Variants in LCP1 observed in about 807,000 individuals in gnomAD.
LCP1 encodes lymphocyte cytosolic protein 1, also known as plastin-2.
A neutral mutation model predicts 72.0 loss-of-function variants in LCP1; 23 were observed. The ratio of observed to expected loss-of-function variants is 0.32; its 90% CI spans 0.23 to 0.45. The LOEUF (loss-of-function observed/expected upper bound fraction) is 0.45. LCP1 is among the 20% of genes least tolerant of loss of function. LCP1 has a pLI of 1.00. For synonymous variants in LCP1, 245 were observed against 275.4 expected, an observed-to-expected ratio of 0.89 and a Z score of 1.09; for missense variants, 571 against 748.3, an observed-to-expected ratio of 0.76 and a Z score of 2.76.
intron 15 of LCP1, 73 bp from the exon 16 acceptor site, chr13:46,127,796 A>T: frequency 6.4e-7 from 1 of 1,563,240 alleles, no homozygotes; most frequent in Non-Finnish European, 8.7e-7. Flanking sequence ...GGAGGGTCAC[A>T]GTCACAGTCG....
chr13:46,164,341 T>C (rs1388860280), intron 1 of LCP1, among the ~76,000 whole-genome samples: 3 of 151,980 alleles, frequency 2.0e-5, no homozygotes, highest in Non-Finnish European at 4.4e-5. Context: ...TAATGGGAAA[T>C]TTTTTTTACC....
At position 46,127,431 on chromosome 13, in the gene LCP1, T is replaced by C. The variant is rs2045605518; in HGVS notation, c.*160A>G. 2 of 778,772 alleles carry C rather than the reference T, an allele frequency of 2.6e-6. No homozygotes were observed. The highest frequency in any genetic ancestry group is 3.9e-6 in the Non-Finnish European group (2 of 509,794). The allele number at this position is 778,772 out of a possible 1,614,324, so 48.2% of individuals were successfully genotyped here. On this transcript the variant is annotated 3_prime_UTR_variant, in exon 16 of 16. Coordinates refer to ENST00000323076, the MANE Select transcript of LCP1 (RefSeq NM_002298.5). Reference sequence around the variant, plus strand: ...CTGCAAAGAATGAAGCACTTTTTGTTAAATACAGGAGAGGCTACTTGGCTG... The same window carrying C: ...CTGCAAAGAATGAAGCACTTTTTGTCAAATACAGGAGAGGCTACTTGGCTG...
At chr13:46,147,870 G>A (rs981855274) in intron 9 of LCP1, among the ~76,000 whole-genome samples, 1 of 151,826 alleles carries the variant, frequency 6.6e-6, no homozygotes, top group Admixed American at 6.6e-5. Flanking sequence ...ACTAGATAAC[G>A]CTACACATTA....
chr13:46,158,142 C>A (rs191568287), intron 4 of LCP1, among the ~76,000 whole-genome samples: 2 of 152,232 alleles, frequency 1.3e-5, no homozygotes, highest in East Asian at 1.9e-4. Context: ...TGGATGGCAG[C>A]CTTCGGAATA....
At chr13:46,163,858 T>G (rs959471896) in intron 1 of LCP1, among the ~76,000 whole-genome samples, 1 of 152,222 alleles carries the variant, frequency 6.6e-6, no homozygotes, top group African/African-American at 2.4e-5. Flanking sequence ...TTAGGTCTCT[T>G]CTATACCCTC....
chr13:46,160,762 A>G (rs1399985604), intron 1 of LCP1, among the ~76,000 whole-genome samples: 1 of 152,126 alleles, frequency 6.6e-6, no homozygotes, highest in African/African-American at 2.4e-5. Flanking sequence ...TCGGAGACCC[A>G]CTGAAGTTTG....
chr13:46,135,984 A>G (rs2045662714), intron 13 of LCP1, among the ~76,000 whole-genome samples: 1 of 152,100 alleles, frequency 6.6e-6, no homozygotes, highest in Admixed American at 6.5e-5. Flanking sequence ...CACACAGCAC[A>G]CAAGGCCCTT....
Position 46,178,892 on chromosome 13 carries a change from T to G in LCP1, c.-25+3219A>C, listed in dbSNP as rs137941114. On this transcript the variant is annotated intron_variant, in intron 1 of 15. Transcript: ENST00000323076. ...TTATAAGCAGATTTCTTAATTTTAT[T>G]TTACCTAAGCTGATTTTAAAAGTTG... Among the ~76,000 whole-genome samples the G allele has an allele frequency of 9.5e-3, 1,445 of 152,318 alleles. 20 individuals are homozygous for G. The highest frequency in any genetic ancestry group is 0.031 in the African/African-American group (1,281 of 41,564).
chr13:46,149,730 A>C (rs892701351), intron 8 of LCP1, among the ~76,000 whole-genome samples: 1 of 152,214 alleles, frequency 6.6e-6, no homozygotes, highest in African/African-American at 2.4e-5. Context: ...TTCCCAAAGC[A>C]CAAAATGGTG....
In LCP1 at chr13:46,148,390, C is replaced by T. The variant is rs2045743385; in HGVS notation, c.940G>A (p.Gly314Ser). 7 of 1,613,394 alleles carry T rather than the reference C, an allele frequency of 4.3e-6. No individual in the cohort carries two copies. Among genetic ancestry groups the T allele is most frequent in the African/African-American group, 1.3e-5 (1 of 74,938 alleles). The change falls in exon 9 of 16, where the codon GGT (glycine) becomes AGT (serine). Residue 314 changes from glycine to serine, a missense_variant. Gly to Ser is a moderately conservative substitution (Grantham distance 56). Coordinates refer to ENST00000323076, the MANE Select transcript of LCP1 (RefSeq NM_002298.5). ...EQVAPKGDEE[G>S]VPAVVIDMSG... ...ATGTCAATAACAACAGCAGGAACAC[C>T]TTCTTCATCTCCTTTTGGAGCCACC... is the stretch of plus-strand genomic sequence containing the variant.
At position 46,148,427 on chromosome 13, in the gene LCP1, G is replaced by A. The variant is rs745578730; in HGVS notation, c.903C>T (p.His301=). The A allele has an allele frequency of 6.2e-7, 1 of 1,611,220 alleles. No individual in the cohort carries two copies. The highest frequency in any genetic ancestry group is 8.5e-7 in the Non-Finnish European group (1 of 1,179,056). Residue 301 remains histidine, a synonymous_variant, in exon 9 of 16, where the codon CAC becomes CAT. Coordinates refer to ENST00000323076, the MANE Select transcript of LCP1 (RefSeq NM_002298.5). ...TDIKDSKAYY[H]LLEQVAPKGD... Reference sequence around the variant, plus strand: ...CTTTTGGAGCCACCTGCTCAAGCAGGTGGTAATAAGCTTTTGAGTCCTGTG... The same window carrying A: ...CTTTTGGAGCCACCTGCTCAAGCAGATGGTAATAAGCTTTTGAGTCCTGTG...
Position 46,142,893 on chromosome 13 carries a change from C to T in LCP1, c.1368+397G>A, listed in dbSNP as rs567054086. 896 of 394,974 alleles carry T rather than the reference C, an allele frequency of 2.3e-3. 1 individual carries two copies. The highest frequency in any genetic ancestry group is 3.6e-3 in the Non-Finnish European group (714 of 199,056). 24.5% of individuals were successfully genotyped at this position (394,974 alleles called of 1,614,324 possible). A position where few individuals can be genotyped will look rare whatever the true frequency, so the allele number is the denominator to read the frequency against. On this transcript the variant is annotated intron_variant, in intron 12 of 15. Transcript: ENST00000323076. The stretch of plus-strand genomic sequence containing the variant: ...AAATGCTGAGAAATGGCTGTGTCAA[C>T]CCTGTTGTTTCAAAACAATGTTCCC...
intron 4 of LCP1, among the ~76,000 whole-genome samples, chr13:46,156,966 G>A (rs996318263): frequency 1.1e-4 from 17 of 150,564 alleles, no homozygotes; most frequent in African/African-American, 3.1e-4. Context: ...GACTACAGGC[G>A]CCCGCCACAA....
intron 6 of LCP1, among the ~76,000 whole-genome samples, chr13:46,154,270 T>C (rs374473222): frequency 6.6e-6 from 1 of 152,226 alleles, no homozygotes; most frequent in East Asian, 1.9e-4. Flanking sequence ...AAGTTAGATA[T>C]GGTTTCTTAG....
rs775626082 is a variant in LCP1 at position 46,151,033 on chromosome 13, A to G, written c.785T>C (p.Met262Thr). The G allele has an allele frequency of 5.0e-6, 8 of 1,614,010 alleles. No homozygotes were observed. Among genetic ancestry groups the G allele is most frequent in the Middle Eastern group, 1.6e-4 (1 of 6,062 alleles). The change falls in exon 8 of 16, where the codon ATG becomes ACG. Residue 262 changes from methionine (M) to threonine (T), a missense_variant. Coordinates refer to ENST00000323076, the MANE Select transcript of LCP1 (RefSeq NM_002298.5). ...LREGESLEDL[M>T]KLSPEELLLR... The stretch of plus-strand genomic sequence containing the variant: ...CAAGAGCTCTTCAGGGGAGAGTTTC[A>G]TCAAATCCTCCAGGCTCTCACCTTC...
chr13:46,163,499 G>A (rs1014779200), intron 1 of LCP1, among the ~76,000 whole-genome samples: 49 of 151,076 alleles, frequency 3.2e-4, no homozygotes, highest in Middle Eastern at 3.4e-3. Context: ...CAAACACTGC[G>A]GAAGGCCGCA....
chr13:46,134,408 G>T (rs2045651671), intron 13 of LCP1, among the ~76,000 whole-genome samples, 158 bp from the exon 14 acceptor site: 2 of 152,106 alleles, frequency 1.3e-5, no homozygotes, highest in Admixed American at 1.3e-4. Context: ...TACAACATTA[G>T]TTCCTTTTAG....
chr13:46,150,678 A>C (rs1341791430), intron 8 of LCP1, among the ~76,000 whole-genome samples: 2 of 152,096 alleles, frequency 1.3e-5, no homozygotes, highest in African/African-American at 4.8e-5. Context: ...CTCTTCCTCT[A>C]GCTCACCTTT....
At chr13:46,133,955 A>G (rs1191001211) in intron 14 of LCP1, among the ~76,000 whole-genome samples, 172 bp downstream of exon 14, 1 of 152,206 alleles carries the variant, frequency 6.6e-6, no homozygotes, top group Non-Finnish European at 1.5e-5. Context: ...TGAGAAATTC[A>G]TTAATGAAAT....
Sources: allele counts gnomAD v4.1 joint callset (sites outside exome capture counted in the v4.1 genomes callset), GRCh38; gene constraint gnomAD v4.1.1; transcripts MANE v1.5; gene names NCBI Gene and HGNC (gene_info 2026-07-23, HGNC 2026-07-21).